Variants in MDGA2 observed in about 807,000 individuals in gnomAD.
MDGA2 encodes MAM domain containing glycosylphosphatidylinositol anchor 2, also known as MAM domain-containing glycosylphosphatidylinositol anchor protein 2.
A neutral mutation model predicts 117.8 loss-of-function variants in MDGA2; 40 were observed. The ratio of observed to expected loss-of-function variants is 0.34; its 90% confidence interval spans 0.26 to 0.44. The LOEUF (loss-of-function observed/expected upper bound fraction) is 0.44, where lower values mean the gene tolerates loss of function less well. MDGA2 is among the 20% of genes least tolerant of loss of function. MDGA2 has a pLI of 1.00. For missense variants in MDGA2, 1,123 were observed against 1,250.6 expected (o/e 0.90, Z 1.54); for synonymous variants, 452 against 439.0 (o/e 1.03, Z -0.37).
intron 1 of MDGA2, among the ~76,000 whole-genome samples, chr14:47,544,217 C>G (rs1895411684): frequency 6.6e-6 from 1 of 152,222 alleles, no homozygotes; most frequent in Admixed American, 6.5e-5. Flanking sequence ...TCATGCCTAA[C>G]CAGTCATGAG....
At chr14:47,133,185 A>T (rs1441205775) in intron 4 of MDGA2, among the ~76,000 whole-genome samples, 1 of 151,796 alleles carries the variant, frequency 6.6e-6, no homozygotes, top group East Asian at 1.9e-4. Flanking sequence ...TTTTTAACTT[A>T]CAAGAAAATA....
chr14:46,969,311 A>T (rs878931392), intron 8 of MDGA2, among the ~76,000 whole-genome samples: 5 of 152,308 alleles, frequency 3.3e-5, no homozygotes, highest in East Asian at 1.9e-4. Context: ...TCTAGATCCC[A>T]GAGGAATCGC....
intron 6 of MDGA2, among the ~76,000 whole-genome samples, chr14:47,081,908 A>C (rs1594600439): frequency 6.6e-6 from 1 of 152,288 alleles, no homozygotes; most frequent in South Asian, 2.1e-4. Flanking sequence ...TTACTATGTA[A>C]ATACATCAGA....
At chr14:47,639,144 T>C (rs985033494) in intron 1 of MDGA2, among the ~76,000 whole-genome samples, 1 of 152,202 alleles carries the variant, frequency 6.6e-6, no homozygotes, top group Non-Finnish European at 1.5e-5. Context: ...TTTATATTTC[T>C]TTATAGCACT....
chr14:47,522,752 C>T (rs1894896112), intron 1 of MDGA2, among the ~76,000 whole-genome samples: 1 of 152,102 alleles, frequency 6.6e-6, no homozygotes, highest in South Asian at 2.1e-4. Flanking sequence ...TTCGAAAACC[C>T]ATTATTCTCA....
chr14:46,963,220 T>A (rs74359308), intron 8 of MDGA2, among the ~76,000 whole-genome samples: 2 of 152,160 alleles, frequency 1.3e-5, no homozygotes, highest in African/African-American at 4.8e-5. Flanking sequence ...CCTTAAAATA[T>A]ATTAGGAGCT....
chr14:47,513,835 C>A (rs569182479), intron 1 of MDGA2, among the ~76,000 whole-genome samples: 2 of 152,210 alleles, frequency 1.3e-5, no homozygotes, highest in East Asian at 1.9e-4. Flanking sequence ...CAGTAAGTAA[C>A]TCACATATGA....
rs116655582 is a variant in MDGA2 at position 46,881,300 on chromosome 14, C to A, written c.2416+744G>T. Among the ~76,000 whole-genome samples the A allele has an allele frequency of 4.5e-3, 692 of 152,156 alleles. 7 individuals carry two copies. Among genetic ancestry groups the A allele is most frequent in the African/African-American group, 0.015 (631 of 41,530 alleles). ...TGTATGATTCCAAATTTACAACATTCTCGAAAAGGAGAAACTATAGACAGA... is the reference window on the plus strand; with the variant it reads ...TGTATGATTCCAAATTTACAACATTATCGAAAAGGAGAAACTATAGACAGA... On this transcript the variant is annotated intron_variant, in intron 11 of 16. Transcript: ENST00000399232.
At chr14:47,486,341 C>G (rs1894060467) in intron 1 of MDGA2, among the ~76,000 whole-genome samples, 1 of 152,190 alleles carries the variant, frequency 6.6e-6, no homozygotes, top group Non-Finnish European at 1.5e-5. Flanking sequence ...TTTGGCATCA[C>G]TGTATTTACC....
chr14:47,085,377 G>A (rs1402497262), intron 6 of MDGA2, among the ~76,000 whole-genome samples: 1 of 152,082 alleles, frequency 6.6e-6, no homozygotes, highest in African/African-American at 2.4e-5. Flanking sequence ...GCTCTTTAAA[G>A]TAACTAAGGA....
In MDGA2 at chr14:47,560,234, A is replaced by AT. The variant is rs879285701; in HGVS notation, c.280+114282dup. On this transcript the variant is annotated intron_variant, in intron 1 of 16. Coordinates refer to ENST00000399232, the MANE Select transcript of MDGA2 (RefSeq NM_001113498.3). Reference sequence around the variant, plus strand: ...AGGCGCCCGCCACCACGCCCGACTAATTTTTTTTTTGCATTTTTAGTAGAA... The same window carrying AT: ...AGGCGCCCGCCACCACGCCCGACTAATTTTTTTTTTTGCATTTTTAGTAGAA... 5.0e-3 allele frequency among the ~76,000 whole-genome samples: 740 copies of AT among 149,058 alleles called. 1 individual carries two copies. The highest frequency in any genetic ancestry group is 7.7e-3 in the Non-Finnish European group (515 of 67,168).
At chr14:47,513,632 C>T (rs1358481605) in intron 1 of MDGA2, among the ~76,000 whole-genome samples, 1 of 152,004 alleles carries the variant, frequency 6.6e-6, no homozygotes, top group African/African-American at 2.4e-5. Flanking sequence ...GAATCAATCA[C>T]AATGTAAACA....
chr14:47,226,875 C>G (rs568534484), intron 2 of MDGA2, among the ~76,000 whole-genome samples: 1 of 152,096 alleles, frequency 6.6e-6, no homozygotes, highest in African/African-American at 2.4e-5. Context: ...CTTCCATGAC[C>G]GTGAGACTAT....
chr14:47,439,170 G>A (rs1433021363), intron 1 of MDGA2, among the ~76,000 whole-genome samples: 1 of 152,056 alleles, frequency 6.6e-6, no homozygotes, highest in East Asian at 1.9e-4. Context: ...CACATGAAGA[G>A]TCTTTCTTTA....
chr14:47,648,568 G>A (rs1002423726), intron 1 of MDGA2, among the ~76,000 whole-genome samples: 12 of 151,960 alleles, frequency 7.9e-5, no homozygotes, highest in African/African-American at 2.7e-4. Context: ...AAACCATAAG[G>A]CACTGAAAGA....
At chr14:47,359,318 C>T (rs928758907) in intron 1 of MDGA2, among the ~76,000 whole-genome samples, 8 of 152,100 alleles carry the variant, frequency 5.3e-5, no homozygotes, top group African/African-American at 1.7e-4. Context: ...CACACCACTG[C>T]ACTCCAACCT....
intron 1 of MDGA2, among the ~76,000 whole-genome samples, chr14:47,407,685 T>G (rs1027186814): frequency 1.3e-5 from 2 of 152,202 alleles, no homozygotes; most frequent in African/African-American, 2.4e-5. Flanking sequence ...TTCCATGTGT[T>G]AATTATTTTT....
chr14:47,340,070 A>T (rs1316384391), intron 1 of MDGA2, among the ~76,000 whole-genome samples: 1 of 152,190 alleles, frequency 6.6e-6, no homozygotes, highest in East Asian at 1.9e-4. Context: ...GACTCATATT[A>T]GAATTAGAAG....
At chr14:47,303,065 T>C (rs918281696) in intron 1 of MDGA2, among the ~76,000 whole-genome samples, 1 of 152,068 alleles carries the variant, frequency 6.6e-6, no homozygotes, top group African/African-American at 2.4e-5. Context: ...GTCTTGACAT[T>C]AAATACGCAT....
Sources: gnomAD v4.1 joint callset for allele counts (sites outside exome capture counted in the v4.1 genomes callset) on GRCh38, gnomAD v4.1.1 for gene constraint, MANE v1.5 for transcripts, NCBI Gene and HGNC (gene_info 2026-07-23, HGNC 2026-07-21) for gene names.